HDLBP: variants seen among roughly 807,000 people sequenced by gnomAD.
HDLBP encodes vigilin.
Under a neutral mutation model 137.3 loss-of-function variants are expected in HDLBP, and 30 were observed. That is an observed-to-expected ratio of 0.22 (90% confidence interval 0.16 to 0.30). The LOEUF (loss-of-function observed/expected upper bound fraction) is 0.30. HDLBP is among the 10% of genes least tolerant of loss of function. HDLBP has a pLI of 1.00. For synonymous variants in HDLBP, 606 were observed against 596.0 expected, an observed-to-expected ratio of 1.02 and a Z score of -0.24; for missense variants, 1,119 against 1,667.3, an observed-to-expected ratio of 0.67 and a Z score of 5.73.
chr2:241,260,743 GCA>G (rs2073091353), intron 5 of HDLBP, among the ~76,000 whole-genome samples: 1 of 152,148 alleles, frequency 6.6e-6, no homozygotes, highest in South Asian at 2.1e-4. Flanking sequence ...AGCTATCACA[GCA>G]CAGACTCAGC....
At chr2:241,283,711 T>C (rs1307719189) in intron 1 of HDLBP, among the ~76,000 whole-genome samples, 2 of 152,084 alleles carry the variant, frequency 1.3e-5, no homozygotes, top group Admixed American at 1.3e-4. Flanking sequence ...CCTGACCTCG[T>C]GATCCGCCCA....
At position 241,247,155 on chromosome 2, in the gene HDLBP, A is replaced by G; in HGVS notation, c.1732-13T>C. 3 of 1,551,992 alleles carry G rather than the reference A, an allele frequency of 1.9e-6. 1 individual carries two copies. The highest frequency in any genetic ancestry group is 1.7e-4 in the Middle Eastern group (1 of 5,976). ...AGCTATTTTCCACCTTAAAGACAAA[A>G]AACACAGCCCGATTCACCACCTGTG... On this transcript the variant is annotated splice_polypyrimidine_tract_variant and intron_variant, in intron 14 of 27. Coordinates refer to ENST00000310931, the MANE Select transcript of HDLBP (RefSeq NM_005336.6).
Position 241,266,422 on chromosome 2 carries a change from G to A in HDLBP, c.76+372C>T. On this transcript the variant is annotated intron_variant, in intron 3 of 27. Coordinates refer to ENST00000310931, the MANE Select transcript of HDLBP (RefSeq NM_005336.6). ...GGCGTTCGAGAACTCCGAAGCCAGG[G>A]TCCAGCCTTCATCCTCAAGGCAGGC... is the stretch of plus-strand genomic sequence containing the variant. The A allele has an allele frequency of 8.1e-6, 2 of 246,412 alleles. 1 individual carries two copies. The highest frequency in any genetic ancestry group is 1.1e-4 in the South Asian group (2 of 17,552). The allele number at this position is 246,412 out of a possible 1,614,324, so 15.3% of individuals were successfully genotyped here.
intron 17 of HDLBP, among the ~76,000 whole-genome samples, chr2:241,241,872 A>G (rs1398184784): frequency 6.6e-6 from 1 of 152,228 alleles, no homozygotes; most frequent in East Asian, 1.9e-4. Context: ...CTGAGCTGTC[A>G]ATCCTCGCCA....
In HDLBP at chr2:241,255,075, G is replaced by T; in HGVS notation, c.1164C>A (p.Ala388=). The T allele has an allele frequency of 6.2e-7, 1 of 1,613,668 alleles. No individual in the cohort carries two copies. The highest frequency in any genetic ancestry group is 1.1e-5 in the South Asian group (1 of 91,054). The change falls in exon 9 of 28, where the codon GCC becomes GCA. Residue 388 remains alanine, a synonymous_variant. Coordinates refer to ENST00000310931, the MANE Select transcript of HDLBP (RefSeq NM_005336.6). ...CCTTTGGCATCTGCTGAGTGATTTT[G>T]GCCAGGTTCTGCCCTTTCTTGCCAA... ...FIIGKKGQNL[A]KITQQMPKVH...
chr2:241,249,630 C>T (rs1181018967), intron 12 of HDLBP, among the ~76,000 whole-genome samples: 1 of 152,266 alleles, frequency 6.6e-6, no homozygotes. Context: ...GCCCTTCTAG[C>T]ACAGCACACA....
In HDLBP at chr2:241,242,528, C is replaced by T. The variant is rs1477335554; in HGVS notation, c.2101G>A (p.Val701Ile). The T allele has an allele frequency of 1.2e-6, 2 of 1,614,192 alleles. No individual in the cohort carries two copies. Among genetic ancestry groups the T allele is most frequent in the Non-Finnish European group, 1.7e-6 (2 of 1,180,048 alleles). Residue 701 changes from valine to isoleucine, a missense_variant, in exon 17 of 28, where the codon GTT becomes ATT. Val to Ile is a conservative substitution (Grantham distance 29). This residue lies in a region of HDLBP where 618 missense variants were observed against 816.7 expected (regional missense o/e 0.76). Transcript: ENST00000310931. ...ACATCCGAGGAAGGGCCCCTGATAA[C>T]AACGGTGTCGCTTCCTGAACCTTCC... is the stretch of plus-strand genomic sequence containing the variant. The part of the protein sequence containing the change: ...PVEGSGSDTV[V>I]IRGPSSDVEK...
At chr2:241,287,988 C>G (rs752462760) in intron 1 of HDLBP, among the ~76,000 whole-genome samples, 54 of 152,298 alleles carry the variant, frequency 3.5e-4, no homozygotes, top group Non-Finnish European at 7.3e-4. Context: ...CACATACCCC[C>G]AAAGTGTGTT....
intron 11 of HDLBP, among the ~76,000 whole-genome samples, chr2:241,251,637 G>A (rs186374189): frequency 1.3e-5 from 2 of 152,314 alleles, no homozygotes; most frequent in Non-Finnish European, 2.9e-5. Context: ...TTCAGAACAC[G>A]CGAGTGTGTG....
At chr2:241,246,442 AT>A (rs556700996) in intron 16 of HDLBP, 40 of 300,178 alleles carry the variant, frequency 1.3e-4, no homozygotes, top group African/African-American at 3.3e-4. Context: ...CTGCATGTCA[AT>A]TTTTTTTAAA....
intron 1 of HDLBP, among the ~76,000 whole-genome samples, chr2:241,309,812 G>A (rs1285616524): frequency 6.6e-6 from 1 of 152,232 alleles, no homozygotes; most frequent in Non-Finnish European, 1.5e-5. Context: ...TATGGTTACT[G>A]CTGTGCTCCC....
rs747536633 is a variant in HDLBP, at chr2:241,309,619, G to A, written c.-103+5951C>T. 3.3e-5 allele frequency among the ~76,000 whole-genome samples: 5 copies of A among 152,260 alleles called. No individual in the cohort carries two copies. In the East Asian group the frequency reaches 7.7e-4, roughly 24 times the overall value. On this transcript the variant is annotated intron_variant, in intron 1 of 27. Transcript: ENST00000310931. ...GTTGGCTGATAGGTTTAAAAGGCACGAAGATCCCTAAGATGCACCCCACAA... is the reference window on the plus strand; with the variant it reads ...GTTGGCTGATAGGTTTAAAAGGCACAAAGATCCCTAAGATGCACCCCACAA...
At chr2:241,249,259 A>T in intron 12 of HDLBP, 1 of 466,718 alleles carries the variant, frequency 2.1e-6, no homozygotes, top group Non-Finnish European at 4.4e-6. Context: ...TTCCTCACAC[A>T]GTCAGGCCAA....
At chr2:241,274,359 C>T (rs2149594351) in intron 1 of HDLBP, among the ~76,000 whole-genome samples, 1 of 152,254 alleles carries the variant, frequency 6.6e-6, no homozygotes, top group East Asian at 1.9e-4. Context: ...AAGTCAGCAG[C>T]ACGGAACTGG....
At chr2:241,267,639 C>T in intron 2 of HDLBP, 1 of 1,535,750 alleles carries the variant, frequency 6.5e-7, no homozygotes, top group Non-Finnish European at 8.7e-7. Flanking sequence ...TCTCTCTCTG[C>T]AAGGTGCATC....
chr2:241,252,091 A>C (rs989818709), intron 11 of HDLBP, among the ~76,000 whole-genome samples: 4 of 152,250 alleles, frequency 2.6e-5, no homozygotes, highest in African/African-American at 9.6e-5. Context: ...GGTGAGGCAC[A>C]CAGCGACCTT....
intron 9 of HDLBP, among the ~76,000 whole-genome samples, chr2:241,254,460 T>G (rs2149477349): frequency 6.6e-6 from 1 of 152,108 alleles, no homozygotes; most frequent in East Asian, 1.9e-4. Context: ...TAATACAATT[T>G]GTATACAAGT....
In HDLBP at chr2:241,234,000, A is replaced by C; in HGVS notation, c.3145-37T>G. 6.2e-7 allele frequency: 1 copy of C among 1,612,654 alleles called. No individual in the cohort carries two copies. Among genetic ancestry groups the C allele is most frequent in the Non-Finnish European group, 8.5e-7 (1 of 1,178,884 alleles). ...AGGAGCAAGAATGAGGCAAAGATTG[A>C]GCTGATCCACCCTGTGACTCCATTC... On this transcript the variant is annotated intron_variant, in intron 23 of 27. Transcript: ENST00000310931. The surrounding 1 kb of genome is among the most constrained non-coding windows in gnomAD (Gnocchi z 4.3).
chr2:241,261,512 T>A (rs892915228), intron 5 of HDLBP, among the ~76,000 whole-genome samples: 1 of 151,974 alleles, frequency 6.6e-6, no homozygotes, highest in Admixed American at 6.6e-5. Context: ...AATTGAGGAG[T>A]AGGAGAGTGT....
Sources: allele counts gnomAD v4.1 joint callset (sites outside exome capture counted in the v4.1 genomes callset), GRCh38; gene constraint gnomAD v4.1.1; regional missense constraint gnomAD v4.1.1; non-coding constraint Gnocchi (gnomAD v3.1); transcripts MANE v1.5; gene names NCBI Gene and HGNC (gene_info 2026-07-23, HGNC 2026-07-21).